TANC2: variants seen among roughly 807,000 people sequenced by gnomAD.
TANC2 encodes the protein tetratricopeptide repeat, ankyrin repeat and coiled-coil containing 2, also known as protein TANC2.
A neutral mutation model predicts 210.5 loss-of-function variants in TANC2; 26 were observed. The observed-to-expected ratio is 0.12, with a 90% CI of 0.09 to 0.17. The LOEUF (loss-of-function observed/expected upper bound fraction) is 0.17. TANC2 is among the 10% of genes least tolerant of loss of function. TANC2 has a pLI of 1.00. For missense variants in TANC2, 2,129 were observed against 2,608.9 expected (o/e 0.82, Z 4.01); for synonymous variants, 931 against 967.1 (o/e 0.96, Z 0.69).
At chr17:63,195,109 A>G (rs2041302538) in intron 6 of TANC2, among the ~76,000 whole-genome samples, 2 of 152,180 alleles carry the variant, frequency 1.3e-5, no homozygotes, top group Non-Finnish European at 2.9e-5. Context: ...GGATAAGTTC[A>G]GATGTTCCAG....
chr17:63,289,180 A>G (rs993667350), intron 9 of TANC2, among the ~76,000 whole-genome samples: 1 of 152,098 alleles, frequency 6.6e-6, no homozygotes, highest in Admixed American at 6.5e-5. Context: ...ATTATGGTTG[A>G]TGTTCTCCGA....
intron 4 of TANC2, among the ~76,000 whole-genome samples, chr17:63,104,477 A>G (rs920246112): frequency 1.3e-5 from 2 of 152,214 alleles, no homozygotes; most frequent in Admixed American, 1.3e-4. Flanking sequence ...GACAATATGT[A>G]TCAAAATTAT....
intron 3 of TANC2, among the ~76,000 whole-genome samples, chr17:63,082,905 G>A (rs2036832180): frequency 1.3e-5 from 2 of 152,160 alleles, no homozygotes; most frequent in South Asian, 4.1e-4. Flanking sequence ...TTCACATGGG[G>A]CATAGATTAC....
exon 28 of TANC2, chr17:63,423,747 G>A (rs1027000452): frequency 6.6e-6 from 1 of 152,124 alleles, no homozygotes; most frequent in Non-Finnish European, 1.5e-5. Context: ...CCTAAAACAG[G>A]CCAGGACTTG....
chr17:63,008,436 C>G (rs1298849066), intron 1 of TANC2, among the ~76,000 whole-genome samples: 1 of 152,072 alleles, frequency 6.6e-6, no homozygotes, highest in East Asian at 1.9e-4. Flanking sequence ...TTCATGTTTG[C>G]TCTATTTAAT....
At chr17:63,135,141 A>G (rs1482033345) in intron 4 of TANC2, among the ~76,000 whole-genome samples, 1 of 152,138 alleles carries the variant, frequency 6.6e-6, no homozygotes, top group Non-Finnish European at 1.5e-5. Flanking sequence ...ACTTGAACCC[A>G]AGAGGTCAAG....
intron 1 of TANC2, among the ~76,000 whole-genome samples, chr17:62,997,427 A>T (rs1186969985): frequency 2.0e-5 from 3 of 152,220 alleles, no homozygotes; most frequent in Non-Finnish European, 4.4e-5. Context: ...GAGAAGCTCT[A>T]TGTTGACAAA....
chr17:63,151,883 C>T (rs2039665276), intron 5 of TANC2: 5 of 152,090 alleles, frequency 3.3e-5, no homozygotes, highest in Admixed American at 2.6e-4. Context: ...TATAGGTTTC[C>T]GAGATGGACT....
chr17:63,129,843 G>T (rs575622699), intron 4 of TANC2, among the ~76,000 whole-genome samples: 1 of 152,142 alleles, frequency 6.6e-6, no homozygotes, highest in South Asian at 2.1e-4. Context: ...CATCATCTGT[G>T]TATGCTCATA....
intron 2 of TANC2, among the ~76,000 whole-genome samples, chr17:63,055,183 T>C (rs2035725780): frequency 6.6e-6 from 1 of 152,212 alleles, no homozygotes; most frequent in Admixed American, 6.5e-5. Context: ...TCATTATATA[T>C]GGAATATTCC....
At chr17:62,998,338 A>C (rs1265171194) in intron 1 of TANC2, among the ~76,000 whole-genome samples, 1 of 152,224 alleles carries the variant, frequency 6.6e-6, no homozygotes, top group East Asian at 1.9e-4. Context: ...AACTTGGACA[A>C]CATATTTGAG....
intron 9 of TANC2, among the ~76,000 whole-genome samples, chr17:63,268,228 A>G (rs1254190698): frequency 6.6e-6 from 1 of 152,204 alleles, no homozygotes; most frequent in East Asian, 1.9e-4. Context: ...GCCATATTGC[A>G]GGTGAACTGT....
intron 3 of TANC2, among the ~76,000 whole-genome samples, chr17:63,092,733 C>T (rs1284117489): frequency 6.6e-6 from 1 of 151,994 alleles, no homozygotes; most frequent in African/African-American, 2.4e-5. Context: ...CATGAGAACT[C>T]ACTATCACGA....
intron 15 of TANC2, among the ~76,000 whole-genome samples, chr17:63,380,479 TACAAAA>T (rs1055745172): frequency 2.6e-5 from 4 of 152,134 alleles, no homozygotes; most frequent in Non-Finnish European, 5.9e-5. Context: ...GTACTAGAGA[TACAAAA>T]ACAAAAAAGA....
chr17:63,009,753 T>G, intron 2 of TANC2, 127 bp downstream of exon 2: 1 of 786,934 alleles, frequency 1.3e-6, no homozygotes, highest in South Asian at 1.9e-5. Flanking sequence ...TTTACATTTC[T>G]TTGGGCTTTC....
chr17:63,167,377 TGTG>T (rs1253480947), intron 5 of TANC2, among the ~76,000 whole-genome samples: 1 of 151,882 alleles, frequency 6.6e-6, no homozygotes, highest in Non-Finnish European at 1.5e-5. Flanking sequence ...TTTCAGAAAA[TGTG>T]GTTGGGTTGG....
At chr17:63,258,361 C>T (rs1387298138) in intron 8 of TANC2, among the ~76,000 whole-genome samples, 1 of 152,146 alleles carries the variant, frequency 6.6e-6, no homozygotes, top group East Asian at 1.9e-4. Flanking sequence ...CTATTAGCTT[C>T]TTTTACTTGA....
chr17:63,286,268 A>G (rs2044217757), intron 9 of TANC2, among the ~76,000 whole-genome samples: 1 of 152,030 alleles, frequency 6.6e-6, no homozygotes, highest in Non-Finnish European at 1.5e-5. Context: ...TTCCTTTAAC[A>G]TTTCTTGCAT....
intron 8 of TANC2, among the ~76,000 whole-genome samples, chr17:63,244,992 TCTC>T (rs147757404): frequency 0.14 from 21,448 of 152,158 alleles, 1,937 homozygotes; most frequent in Middle Eastern, 0.21. Context: ...TTAAACCTCT[TCTC>T]CTGTGTAAAT....
Sources: allele counts gnomAD v4.1 joint callset (sites outside exome capture counted in the v4.1 genomes callset), GRCh38; gene constraint gnomAD v4.1.1; transcripts MANE v1.5; gene names NCBI Gene and HGNC (gene_info 2026-07-23, HGNC 2026-07-21).